Variants in GPC6 observed in about 807,000 individuals in gnomAD.
GPC6 encodes glypican 6.
A neutral mutation model predicts 55.2 loss-of-function variants in GPC6; 14 were observed. That is an observed-to-expected ratio of 0.25 (90% CI 0.17 to 0.40). GPC6 has a LOEUF of 0.40. Among genes scored for constraint, GPC6 ranks in the 10% least tolerant of loss-of-function variants. The pLI is 1.00. For missense variants in GPC6, 641 were observed against 708.5 expected, an observed-to-expected ratio of 0.90 and a Z score of 1.08; for synonymous variants, 278 against 259.6, an observed-to-expected ratio of 1.07 and a Z score of -0.68.
chr13:94,176,368 T>C (rs9301942), intron 4 of GPC6, among the ~76,000 whole-genome samples: 147,357 of 152,140 alleles, frequency 0.97, 71,394 homozygotes, highest in Non-Finnish European at 0.98. Flanking sequence ...AGGCAGAGCA[T>C]CAGGTTCTCG....
intron 1 of GPC6, among the ~76,000 whole-genome samples, chr13:93,360,476 C>T (rs1881006529): frequency 6.6e-6 from 1 of 151,822 alleles, no homozygotes; most frequent in Admixed American, 6.6e-5. Flanking sequence ...TTACTGTAGC[C>T]CAAAAGTTAG....
chr13:93,734,809 C>T (rs1883941490), intron 2 of GPC6, among the ~76,000 whole-genome samples: 1 of 151,734 alleles, frequency 6.6e-6, no homozygotes. Flanking sequence ...GGAAAACAAA[C>T]AACAAAAAAA....
At chr13:93,872,468 G>A (rs1889158935) in intron 3 of GPC6, among the ~76,000 whole-genome samples, 2 of 151,948 alleles carry the variant, frequency 1.3e-5, no homozygotes, top group Non-Finnish European at 2.9e-5. Flanking sequence ...AGTTGTGGAA[G>A]TCAAAAGTCC....
chr13:94,277,169 G>A (rs1892241467), intron 4 of GPC6, among the ~76,000 whole-genome samples: 1 of 152,068 alleles, frequency 6.6e-6, no homozygotes, highest in Non-Finnish European at 1.5e-5. Context: ...GTTTTGATTT[G>A]CATTTCTATA....
intron 4 of GPC6, among the ~76,000 whole-genome samples, chr13:94,050,674 A>G (rs1181015325): frequency 6.6e-6 from 1 of 152,172 alleles, no homozygotes; most frequent in East Asian, 1.9e-4. Context: ...GATGGCCTTC[A>G]GAGAGCAACA....
chr13:93,590,711 A>G (rs139695756), intron 2 of GPC6, among the ~76,000 whole-genome samples: 1,538 of 152,300 alleles, frequency 0.01, 29 homozygotes, highest in African/African-American at 0.036. Context: ...TGACTGATAG[A>G]AAGTCATAAA....
chr13:93,470,280 G>A (rs972539088), intron 1 of GPC6, among the ~76,000 whole-genome samples: 14 of 142,920 alleles, frequency 9.8e-5, no homozygotes, highest in African/African-American at 3.5e-4. Context: ...AATAGGTTAG[G>A]AAAAATTATT....
chr13:94,078,014 C>T lies in GPC6; in HGVS notation c.877+50120C>T, dbSNP rs188149126. 1.4e-3 allele frequency among the ~76,000 whole-genome samples: 212 copies of T among 151,912 alleles called. 1 individual carries two copies. The highest frequency in any genetic ancestry group is 5.0e-3 in the African/African-American group (208 of 41,528). On this transcript the variant is annotated intron_variant, in intron 4 of 8. Transcript: ENST00000377047. ...TCTTCAAGATGGATCACATGTTAGG[C>T]TACAAAGCAAGTCTTAACAAATTTG...
chr13:93,666,650 C>T (rs7332553), intron 2 of GPC6, among the ~76,000 whole-genome samples: 71,214 of 152,026 alleles, frequency 0.47, 19,084 homozygotes, highest in Middle Eastern at 0.72. Flanking sequence ...TTTAAAAACA[C>T]GGTGTCTTTT....
chr13:93,434,873 A>C (rs1311425563), intron 1 of GPC6, among the ~76,000 whole-genome samples: 1 of 151,400 alleles, frequency 6.6e-6, no homozygotes, highest in Non-Finnish European at 1.5e-5. Flanking sequence ...TGCCCAGTTC[A>C]TGTTTGTATT....
intron 1 of GPC6, among the ~76,000 whole-genome samples, chr13:93,405,327 G>A (rs189905818): frequency 6.6e-6 from 1 of 152,260 alleles, no homozygotes; most frequent in East Asian, 1.9e-4. Flanking sequence ...CAAGGTATGG[G>A]ATTCAAAAAT....
chr13:93,258,267 T>C (rs1281785038), intron 1 of GPC6, among the ~76,000 whole-genome samples: 1 of 152,176 alleles, frequency 6.6e-6, no homozygotes, highest in African/African-American at 2.4e-5. Flanking sequence ...TTGCTTTGGC[T>C]ACTTGTAACA....
intron 1 of GPC6, among the ~76,000 whole-genome samples, chr13:93,263,363 GT>G (rs959026056): frequency 4.6e-5 from 7 of 151,184 alleles, no homozygotes; most frequent in East Asian, 1.9e-4. Flanking sequence ...TTGTTTTTTT[GT>G]TTTTTTTGTT....
chr13:94,218,670 C>G (rs2138998423), intron 4 of GPC6, among the ~76,000 whole-genome samples: 1 of 152,300 alleles, frequency 6.6e-6, no homozygotes, highest in Non-Finnish European at 1.5e-5. Flanking sequence ...AACAACACAG[C>G]TTGGCATAAG....
At chr13:94,145,342 G>T (rs1353478476) in intron 4 of GPC6, among the ~76,000 whole-genome samples, 1 of 151,964 alleles carries the variant, frequency 6.6e-6, no homozygotes. Flanking sequence ...TATCAATTTA[G>T]GGTCAAATTA....
intron 3 of GPC6, among the ~76,000 whole-genome samples, chr13:93,971,305 A>G (rs1880274087): frequency 6.6e-6 from 1 of 152,212 alleles, no homozygotes; most frequent in Admixed American, 6.5e-5. Flanking sequence ...TATATTCTCT[A>G]TATAATAGGA....
At chr13:93,875,265 A>G (rs923282797) in intron 3 of GPC6, among the ~76,000 whole-genome samples, 1 of 151,990 alleles carries the variant, frequency 6.6e-6, no homozygotes. Flanking sequence ...TTCTCTTTTC[A>G]ACACCTAATT....
At chr13:93,483,379 A>G (rs573941188) in intron 1 of GPC6, among the ~76,000 whole-genome samples, 160 of 152,282 alleles carry the variant, frequency 1.1e-3, no homozygotes, top group African/African-American at 3.5e-3. Context: ...TTTTAACTAG[A>G]TAAGTACTTA....
intron 2 of GPC6, among the ~76,000 whole-genome samples, chr13:93,756,988 G>A (rs1252896126): frequency 6.6e-6 from 1 of 152,118 alleles, no homozygotes; most frequent in Non-Finnish European, 1.5e-5. Context: ...TTGCTCTGTG[G>A]CACATTTTAC....
Sources: allele counts gnomAD v4.1 joint callset (sites outside exome capture counted in the v4.1 genomes callset), GRCh38; gene constraint gnomAD v4.1.1; transcripts MANE v1.5; gene names NCBI Gene and HGNC (gene_info 2026-07-23, HGNC 2026-07-21).